Variants in FTCD observed in about 807,000 individuals in gnomAD.
FTCD encodes the protein formimidoyltransferase cyclodeaminase, also known as formimidoyltransferase-cyclodeaminase.
A neutral mutation model predicts 62.9 loss-of-function variants in FTCD; 76 were observed. That is an observed-to-expected ratio of 1.21 (90% confidence interval 1.00 to 1.46). The LOEUF (loss-of-function observed/expected upper bound fraction) is 1.46. Ranked by LOEUF, FTCD falls within the 40% of genes most tolerant of loss-of-function variation. The probability of loss-of-function intolerance (pLI) is 0.00; values close to 1 mark genes in which losing one functional copy is unlikely to be tolerated. For synonymous variants in FTCD, 397 were observed against 336.9 expected (o/e 1.18, Z -1.95); for missense variants, 845 against 751.3 (o/e 1.12, Z -1.46).
intron 10 of FTCD, among the ~76,000 whole-genome samples, chr21:46,140,753 C>G (rs59902485): frequency 8.1e-5 from 2 of 24,632 alleles, no homozygotes; most frequent in Non-Finnish European, 1.1e-4. Context: ...CGTAAACCAA[C>G]CCAGCACTCC....
Position 46,138,890 on chromosome 21 carries a change from C to T in FTCD, c.1294G>A (p.Glu432Lys), listed in dbSNP as rs755148965. ...AMRLPKNTPE[E>K]KDRRTAALQE... ...GCCCTCCAGGCTCACCTGTCCTTTT[C>T]CTCAGGTGTGTTCTTGGGGAGCCTC... Residue 432 changes from glutamate to lysine, a missense_variant, in exon 11 of 14, where the codon GAA becomes AAA. By Grantham distance (56) the Glu-to-Lys change is moderately conservative. Transcript: ENST00000397746. The T allele has an allele frequency of 6.4e-5, 103 of 1,612,668 alleles. 1 individual carries two copies. The highest frequency in any genetic ancestry group is 3.6e-4 in the South Asian group (33 of 91,072).
rs1268192882 is a variant in FTCD at position 46,141,615 on chromosome 21, C to G, written c.1261-2692G>C. ...AAGTCAGGATTGACACATTCCACGA[C>G]ATAAAGATTAAGAGTCATTGTCAGA... On this transcript the variant is annotated intron_variant, in intron 10 of 13. Transcript: ENST00000397746. Among the ~76,000 whole-genome samples the G allele has an allele frequency of 2.0e-5, 3 of 151,752 alleles. No homozygotes were observed. In the East Asian group the frequency reaches 5.8e-4, roughly 29 times the overall value.
rs370996852 is a variant in FTCD, at chr21:46,150,539, G to A, written c.637-14C>T. 129 of 1,612,774 alleles carry A rather than the reference G, an allele frequency of 8.0e-5. No homozygotes were observed. The highest frequency in any genetic ancestry group is 9.9e-5 in the Non-Finnish European group (117 of 1,179,820). ...CAGACGTCCTGGCTGCAAAGGAAGAGCGTTCCCCAGCCTGGACTAGGAAGC... is the reference window on the plus strand; with the variant it reads ...CAGACGTCCTGGCTGCAAAGGAAGAACGTTCCCCAGCCTGGACTAGGAAGC... On this transcript the variant is annotated splice_polypyrimidine_tract_variant and intron_variant, in intron 5 of 13. Transcript: ENST00000397746.
At chr21:46,136,517 GCC>G, downstream of FTCD, 3 of 1,611,626 alleles carry the variant, frequency 1.9e-6, no homozygotes, top group Non-Finnish European at 2.5e-6. Context: ...CAGAACCAGG[GCC>G]CCTTTCCCTC....
In FTCD at chr21:46,151,653, A is replaced by C. The variant is rs776407035; in HGVS notation, c.541T>G (p.Phe181Val). ...AGGTTGATGTTAAAAGCAATGAGGA[A>C]CTTCCTCGCCCCCGTGGCCGTGGCC... ...WGATATGARKFLIAFNINLLG... is the reference protein window; with the variant it reads ...WGATATGARKVLIAFNINLLG... Residue 181 changes from phenylalanine (F) to valine (V), a missense_variant, in exon 5 of 14, where the codon TTC (phenylalanine) becomes GTC (valine). Phe to Val is a conservative substitution (Grantham distance 50). Coordinates refer to ENST00000397746, the MANE Select transcript of FTCD (RefSeq NM_206965.2). 8 of 1,612,884 alleles carry C rather than the reference A, an allele frequency of 5.0e-6. No homozygotes were observed. The Admixed American group carries it at 6.7e-5, about 13-fold the overall frequency.
rs1388931192 is a variant in FTCD at position 46,136,806 on chromosome 21, A to C, written c.*181T>G. 2 of 1,536,596 alleles carry C rather than the reference A, an allele frequency of 1.3e-6. No individual in the cohort carries two copies. Among genetic ancestry groups the C allele is most frequent in the Admixed American group, 4.1e-5 (2 of 49,050 alleles). On this transcript the variant is annotated 3_prime_UTR_variant, in exon 14 of 14. Coordinates refer to ENST00000397746, the MANE Select transcript of FTCD (RefSeq NM_206965.2). ...TGGTGCCAAAACTTTACTGGAGGTC[A>C]CATGGGACTAGGGGCCTTCTGTCCC...
At chr21:46,142,753 C>T (rs11911593) in intron 10 of FTCD, 44,327 of 152,182 alleles carry the variant, frequency 0.29, 6,636 homozygotes, top group Middle Eastern at 0.43. Flanking sequence ...TATTTGGCCC[C>T]GCCCACATCC....
chr21:46,153,858 G>A (rs2079363479), intron 2 of FTCD, among the ~76,000 whole-genome samples: 1 of 152,240 alleles, frequency 6.6e-6, no homozygotes, highest in Admixed American at 6.5e-5. Context: ...AGGTGGACGG[G>A]GCCCACAAAC....
intron 10 of FTCD, among the ~76,000 whole-genome samples, chr21:46,141,818 A>G (rs2079014495): frequency 6.6e-6 from 1 of 152,194 alleles, no homozygotes; most frequent in South Asian, 2.1e-4. Context: ...AGAAGTAAAA[A>G]CCACTGCTAA....
chr21:46,142,615 G>A (rs373715405), intron 10 of FTCD: 3 of 152,286 alleles, frequency 2.0e-5, no homozygotes, highest in Non-Finnish European at 4.4e-5. Flanking sequence ...CGTAAAGGTA[G>A]CGAAGGCCCA....
intron 5 of FTCD, among the ~76,000 whole-genome samples, 156 bp downstream of exon 5, chr21:46,151,402 G>A (rs1444322366): frequency 6.6e-6 from 1 of 152,246 alleles, no homozygotes; most frequent in African/African-American, 2.4e-5. Flanking sequence ...TCCCCGCACG[G>A]TGTGGACGCG....
At chr21:46,139,005 G>A (rs1409022463) in intron 10 of FTCD, 82 bp from the exon 11 acceptor site, 3 of 1,053,854 alleles carry the variant, frequency 2.8e-6, no homozygotes, top group African/African-American at 1.6e-5. Context: ...AGGGGCTGTA[G>A]CAAGGAGCAT....
At chr21:46,141,063 G>A (rs1424193426) in intron 10 of FTCD, among the ~76,000 whole-genome samples, 3 of 152,182 alleles carry the variant, frequency 2.0e-5, no homozygotes, top group African/African-American at 4.8e-5. Flanking sequence ...TTTCATCTAT[G>A]TACTTTTCCT....
At chr21:46,142,602 G>A (rs1239268409) in intron 10 of FTCD, 1 of 152,276 alleles carries the variant, frequency 6.6e-6, no homozygotes, top group Non-Finnish European at 1.5e-5. Context: ...GAGTGTTACA[G>A]GTCGTAAAGG....
At chr21:46,137,808 A>G (rs577182371) in intron 12 of FTCD, among the ~76,000 whole-genome samples, 183 of 150,964 alleles carry the variant, frequency 1.2e-3, no homozygotes, top group Non-Finnish European at 2.2e-3. Context: ...AGCCCATGAG[A>G]GAGACGCTCC....
At chr21:46,137,721 C>T (rs1468937950) in intron 12 of FTCD, among the ~76,000 whole-genome samples, 1 of 152,090 alleles carries the variant, frequency 6.6e-6, no homozygotes, top group Non-Finnish European at 1.5e-5. Flanking sequence ...TCTCTGGGAC[C>T]AGATGCTGAA....
downstream of FTCD, chr21:46,136,643 C>T (rs1275222728): frequency 3.8e-5 from 56 of 1,482,918 alleles, no homozygotes; most frequent in Non-Finnish European, 5.0e-5. Flanking sequence ...GCGCTGAGGT[C>T]TGTCTCCTCA....
intron 1 of FTCD, among the ~76,000 whole-genome samples, chr21:46,154,686 C>A (rs1040083016): frequency 1.3e-5 from 2 of 152,238 alleles, no homozygotes; most frequent in African/African-American, 4.8e-5. Flanking sequence ...GGGACCCCCA[C>A]CCCCGAGCAG....
In FTCD at chr21:46,137,351, G is replaced by A. The variant is rs764588827; in HGVS notation, c.1444-17C>T. 2.5e-6 allele frequency: 4 copies of A among 1,597,318 alleles called. No individual in the cohort carries two copies. The highest frequency in any genetic ancestry group is 2.2e-5 in the South Asian group (2 of 90,712). On this transcript the variant is annotated splice_polypyrimidine_tract_variant and intron_variant, in intron 12 of 13. Transcript: ENST00000397746. ...GGCCGCCACCTGCAAGGACCCCAGGGAGCCCCTACATGGATCAAGGCTGAG... is the reference window on the plus strand; with the variant it reads ...GGCCGCCACCTGCAAGGACCCCAGGAAGCCCCTACATGGATCAAGGCTGAG...
Sources: allele counts gnomAD v4.1 joint callset (sites outside exome capture counted in the v4.1 genomes callset), GRCh38; gene constraint gnomAD v4.1.1; transcripts MANE v1.5; gene names NCBI Gene and HGNC (gene_info 2026-07-23, HGNC 2026-07-21).